ADGRV1: variants seen among roughly 807,000 people sequenced by gnomAD.
The protein encoded by ADGRV1 is G-protein coupled receptor 98.
A neutral mutation model predicts 596.2 loss-of-function variants in ADGRV1; 359 were observed. That is an observed-to-expected ratio of 0.60 (90% CI 0.55 to 0.66). The LOEUF (loss-of-function observed/expected upper bound fraction) is 0.66, where lower values mean the gene tolerates loss of function less well. ADGRV1 is among the 30% of genes least tolerant of loss of function. The pLI is 0.00. For synonymous variants in ADGRV1, 2,681 were observed against 2,679.2 expected (o/e 1.00, Z -0.02); for missense variants, 7,274 against 7,575.6 (o/e 0.96, Z 1.48).
At position 90,689,715 on chromosome 5, in the gene ADGRV1, T is replaced by C. The variant is rs1012136303; in HGVS notation, c.6491-146T>C. On this transcript the variant is annotated intron_variant, in intron 29 of 89. Coordinates refer to ENST00000405460, the MANE Select transcript of ADGRV1 (RefSeq NM_032119.4). The stretch of plus-strand genomic sequence containing the variant: ...TCTACTGAGAGGCATAAAAGTCTTC[T>C]TGCTTAGAATAAATGTAGTCAATAT... 1.1e-5 allele frequency: 7 copies of C among 611,878 alleles called. No individual in the cohort carries two copies. The African/African-American group carries it at 1.3e-4, about 11-fold the overall frequency. 37.9% of individuals were successfully genotyped at this position (611,878 alleles called of 1,614,324 possible). A position where few individuals can be genotyped will look rare whatever the true frequency, so the allele number is the denominator to read the frequency against.
At chr5:90,897,314 CA>C (rs755182067) in intron 83 of ADGRV1, among the ~76,000 whole-genome samples, 140 of 152,238 alleles carry the variant, frequency 9.2e-4, no homozygotes, top group Middle Eastern at 3.4e-3. Context: ...AATGATTCAA[CA>C]TTGAATTCAA....
intron 82 of ADGRV1, among the ~76,000 whole-genome samples, chr5:90,856,490 A>G (rs555619781): frequency 6.6e-6 from 1 of 152,286 alleles, no homozygotes; most frequent in African/African-American, 2.4e-5. Context: ...ACAACATAAC[A>G]ATAGAAGTAT....
intron 85 of ADGRV1, among the ~76,000 whole-genome samples, chr5:91,054,161 A>AG (rs1786626074): frequency 6.6e-6 from 1 of 151,886 alleles, no homozygotes; most frequent in Admixed American, 6.6e-5. Flanking sequence ...GCTGCTAAAG[A>AG]GAGCAAACCG....
At chr5:91,062,328 C>G (rs1257878238) in intron 85 of ADGRV1, among the ~76,000 whole-genome samples, 1 of 152,178 alleles carries the variant, frequency 6.6e-6, no homozygotes, top group Non-Finnish European at 1.5e-5. Context: ...CTCAGCTCAG[C>G]TTTTAGAGCA....
chr5:90,995,024 T>A (rs1010304117), intron 85 of ADGRV1, among the ~76,000 whole-genome samples: 1 of 152,218 alleles, frequency 6.6e-6, no homozygotes, highest in African/African-American at 2.4e-5. Flanking sequence ...AGGTCTTTCC[T>A]GAACATGAGC....
intron 85 of ADGRV1, among the ~76,000 whole-genome samples, chr5:91,009,634 T>C (rs1782564164): frequency 6.6e-6 from 1 of 151,592 alleles, no homozygotes; most frequent in Non-Finnish European, 1.5e-5. Flanking sequence ...TTCTAAAAGC[T>C]ATAACTTTTG....
chr5:90,583,889 T>C (rs1174508301), intron 1 of ADGRV1, among the ~76,000 whole-genome samples: 1 of 152,202 alleles, frequency 6.6e-6, no homozygotes, highest in Non-Finnish European at 1.5e-5. Context: ...CGATAGGTGC[T>C]ATAGATATAG....
At chr5:90,971,043 A>G (rs575876112) in intron 84 of ADGRV1, among the ~76,000 whole-genome samples, 121 of 152,348 alleles carry the variant, frequency 7.9e-4, no homozygotes, top group African/African-American at 2.8e-3. Flanking sequence ...ATGGCACAAG[A>G]ACTACGTGAT....
intron 87 of ADGRV1, among the ~76,000 whole-genome samples, chr5:91,141,449 A>G (rs985654633): frequency 6.6e-6 from 1 of 152,232 alleles, no homozygotes; most frequent in African/African-American, 2.4e-5. Flanking sequence ...AGCTATCAAG[A>G]TGAACTCACT....
intron 1 of ADGRV1, among the ~76,000 whole-genome samples, chr5:90,596,599 C>A (rs549107597): frequency 3.3e-5 from 5 of 152,240 alleles, no homozygotes; most frequent in Admixed American, 3.3e-4. Context: ...ACCAGCCCGG[C>A]CAACACAGCG....
At chr5:91,091,465 T>A (rs1220343513) in intron 86 of ADGRV1, 4 of 152,234 alleles carry the variant, frequency 2.6e-5, no homozygotes, top group Admixed American at 6.5e-5. Flanking sequence ...GGCCTTTTTT[T>A]AATTCATTAA....
chr5:90,809,112 G>A lies in ADGRV1; in HGVS notation c.14973-1121G>A, dbSNP rs1269649525. ...GTTGGGACGACAGGCACCTGCCACC[G>A]TGCCCTACTAATTTTTTGTATTTTT... On this transcript the variant is annotated intron_variant, in intron 73 of 89. Coordinates refer to ENST00000405460, the MANE Select transcript of ADGRV1 (RefSeq NM_032119.4). Among the ~76,000 whole-genome samples the A allele has an allele frequency of 9.2e-5, 14 of 151,712 alleles. No homozygotes were observed. In the East Asian group the frequency reaches 2.8e-3, roughly 30 times the overall value.
intron 83 of ADGRV1, among the ~76,000 whole-genome samples, chr5:90,956,834 A>G (rs529907600): frequency 1.7e-4 from 26 of 152,296 alleles, no homozygotes; most frequent in Admixed American, 1.4e-3. Flanking sequence ...ACTTGGCTCA[A>G]GTCCTGAATC....
At chr5:90,805,489 G>A in intron 72 of ADGRV1, 31 bp downstream of exon 72, 1 of 1,515,802 alleles carries the variant, frequency 6.6e-7, no homozygotes, top group Non-Finnish European at 9.0e-7. Context: ...GATGAGTCCT[G>A]TAGAATATTG....
intron 83 of ADGRV1, among the ~76,000 whole-genome samples, chr5:90,941,404 T>TCA (rs1776158752): frequency 6.6e-6 from 1 of 152,224 alleles, no homozygotes; most frequent in Non-Finnish European, 1.5e-5. Context: ...TGAGAATGAC[T>TCA]TTTAAGAATG....
intron 60 of ADGRV1, among the ~76,000 whole-genome samples, chr5:90,776,172 AG>A (rs1758204799): frequency 6.6e-6 from 1 of 152,156 alleles, no homozygotes; most frequent in South Asian, 2.1e-4. Context: ...ATGGTAGAGG[AG>A]CCCTTGCTTT....
intron 85 of ADGRV1, among the ~76,000 whole-genome samples, chr5:91,017,533 A>G (rs1202751363): frequency 6.6e-6 from 1 of 151,886 alleles, no homozygotes; most frequent in Admixed American, 6.6e-5. Flanking sequence ...TGCAGGCAAA[A>G]CAACCAGTCA....
At chr5:90,733,121 A>G (rs753333116) in intron 50 of ADGRV1, among the ~76,000 whole-genome samples, 3 of 152,224 alleles carry the variant, frequency 2.0e-5, no homozygotes, top group Admixed American at 6.5e-5. Context: ...GATTCTTGTG[A>G]GAAAGAGAAA....
chr5:90,810,853 C>T lies in ADGRV1; in HGVS notation c.15593C>T (p.Thr5198Ile), dbSNP rs769361440. The change falls in exon 74 of 90, where the codon ACA (threonine) becomes ATA (isoleucine). Residue 5198 changes from threonine (T) to isoleucine (I), a missense_variant. Transcript: ENST00000405460. ...GAGAAACTTGTCACCCTTCATGGCA[C>T]ACCTGCTGTGTCTGAAAAGCCTGAT... ...IPEKLVTLHG[T>I]PAVSEKPDVA... is the part of the protein sequence containing the mutation. 2 of 1,614,028 alleles carry T rather than the reference C, an allele frequency of 1.2e-6. No individual in the cohort carries two copies. The highest frequency in any genetic ancestry group is 1.7e-6 in the Non-Finnish European group (2 of 1,179,892).
Sources: allele counts gnomAD v4.1 joint callset (sites outside exome capture counted in the v4.1 genomes callset), GRCh38; gene constraint gnomAD v4.1.1; transcripts MANE v1.5; gene names NCBI Gene and HGNC (gene_info 2026-07-23, HGNC 2026-07-21).